The following TMPRSS11A variants were observed in gnomAD, a reference collection of about 807,000 sequenced individuals.
TMPRSS11A encodes transmembrane protease serine 11A.
In TMPRSS11A, 53 loss-of-function variants were observed where a neutral mutation model predicts 58.9. That is an observed-to-expected ratio of 0.90 (90% CI 0.72 to 1.13). The LOEUF (loss-of-function observed/expected upper bound fraction) is 1.13, where lower values mean the gene tolerates loss of function less well. TMPRSS11A is among the 50% of genes most tolerant of loss of function. The pLI is 0.00. For missense variants in TMPRSS11A, 493 were observed against 499.3 expected, an observed-to-expected ratio of 0.99 and a Z score of 0.12; for synonymous variants, 167 against 169.8, an observed-to-expected ratio of 0.98 and a Z score of 0.13.
At chr4:67,944,659 G>T in intron 2 of TMPRSS11A, 22 bp from the exon 3 acceptor site, 1 of 1,600,808 alleles carries the variant, frequency 6.2e-7, no homozygotes, top group South Asian at 1.1e-5. Context: ...ATGAAAAATA[G>T]GAAACTAAAT....
intron 1 of TMPRSS11A, among the ~76,000 whole-genome samples, chr4:67,961,805 G>A (rs1001985767): frequency 6.6e-6 from 1 of 152,068 alleles, no homozygotes; most frequent in South Asian, 2.1e-4. Context: ...GAGCCACCAC[G>A]CCCAGCCTGT....
intron 7 of TMPRSS11A, among the ~76,000 whole-genome samples, chr4:67,921,826 T>G (rs987454746): frequency 1.3e-5 from 2 of 152,216 alleles, no homozygotes; most frequent in African/African-American, 4.8e-5. Context: ...TAAATCCTGC[T>G]GCCACCTATT....
chr4:67,941,501 T>C (rs1720878396), intron 3 of TMPRSS11A, among the ~76,000 whole-genome samples: 2 of 152,352 alleles, frequency 1.3e-5, no homozygotes, highest in South Asian at 4.1e-4. Context: ...TGTCATGATA[T>C]TCAATTCCAT....
rs941566028 is a variant in TMPRSS11A, at chr4:67,910,546, T to G, written c.*796A>C. On this transcript the variant is annotated 3_prime_UTR_variant, in exon 10 of 10. Transcript: ENST00000508048. ...CATCTGTGAAATGTCAAATTTCTTA[T>G]GCCGGTGTTTTGGGACTAATGAAAT... The G allele has an allele frequency of 5.3e-5, 8 of 152,144 alleles. No homozygotes were observed. Among genetic ancestry groups the G allele is most frequent in the African/African-American group, 1.9e-4 (8 of 41,458 alleles). The allele number at this position is 152,144 out of a possible 1,614,324, so 9.4% of individuals were successfully genotyped here. A position where few individuals can be genotyped will look rare whatever the true frequency, so the allele number is the denominator to read the frequency against.
intron 1 of TMPRSS11A, among the ~76,000 whole-genome samples, chr4:67,949,049 G>A (rs1454738133): frequency 6.6e-6 from 1 of 151,560 alleles, no homozygotes; most frequent in Non-Finnish European, 1.5e-5. Context: ...TTTTCTCATA[G>A]AATCTTATCA....
intron 5 of TMPRSS11A, among the ~76,000 whole-genome samples, chr4:67,928,822 T>A (rs1328177780): frequency 6.6e-6 from 1 of 152,212 alleles, no homozygotes; most frequent in Non-Finnish European, 1.5e-5. Flanking sequence ...CTGTTTCATG[T>A]CTGATAAAAA....
intron 1 of TMPRSS11A, among the ~76,000 whole-genome samples, chr4:67,959,345 AT>A (rs1721368837): frequency 6.6e-6 from 1 of 152,210 alleles, no homozygotes; most frequent in Non-Finnish European, 1.5e-5. Flanking sequence ...CAAAACAAAA[AT>A]TGACAAGTGA....
At chr4:67,931,633 G>T (rs976618597) in intron 4 of TMPRSS11A, among the ~76,000 whole-genome samples, 1 of 152,116 alleles carries the variant, frequency 6.6e-6, no homozygotes, top group Non-Finnish European at 1.5e-5. Context: ...TAATATAATT[G>T]TCAACATAAT....
At chr4:67,925,305 C>T (rs1343578106) in intron 5 of TMPRSS11A, among the ~76,000 whole-genome samples, 2 of 152,108 alleles carry the variant, frequency 1.3e-5, no homozygotes, top group Non-Finnish European at 2.9e-5. Context: ...CTTACTAAAG[C>T]TGGGGAAAAA....
chr4:67,926,092 G>A (rs911830976), intron 5 of TMPRSS11A, among the ~76,000 whole-genome samples: 3 of 152,206 alleles, frequency 2.0e-5, no homozygotes, highest in Non-Finnish European at 4.4e-5. Flanking sequence ...CAAGTATCAT[G>A]ATGAAAAATG....
chr4:67,948,351 G>A (rs1179083847), intron 1 of TMPRSS11A, among the ~76,000 whole-genome samples: 2 of 151,774 alleles, frequency 1.3e-5, no homozygotes, highest in African/African-American at 2.4e-5. Flanking sequence ...GTAGAAACAG[G>A]GTTTCATGGT....
intron 9 of TMPRSS11A, among the ~76,000 whole-genome samples, chr4:67,912,990 T>C (rs1720026681): frequency 6.6e-6 from 1 of 152,216 alleles, no homozygotes; most frequent in Admixed American, 6.5e-5. Flanking sequence ...TTCTCCTCTG[T>C]GTCTTTTTTG....
At chr4:67,955,183 A>G (rs539036472) in intron 1 of TMPRSS11A, among the ~76,000 whole-genome samples, 3 of 152,352 alleles carry the variant, frequency 2.0e-5, no homozygotes, top group Non-Finnish European at 4.4e-5. Context: ...AACACAAAGT[A>G]TACTCCAGTG....
chr4:67,941,142 T>A (rs1031526424), intron 3 of TMPRSS11A, among the ~76,000 whole-genome samples: 1 of 152,178 alleles, frequency 6.6e-6, no homozygotes, highest in Non-Finnish European at 1.5e-5. Flanking sequence ...TACTTTTGCA[T>A]CTCAATTTGC....
Position 67,911,435 on chromosome 4 carries a change from G to A in TMPRSS11A, c.1164C>T (p.Ser388=). The change falls in exon 10 of 10, where the codon AGC becomes AGT. Residue 388 remains serine (S), a synonymous_variant. Transcript: ENST00000508048. The part of the protein sequence containing the change: ...KDTWYLIGIV[S]WGDNCGQKDK... ...CCTTTTGACCACAGTTATCTCCCCA[G>A]CTTACAATTCCAATGAGATACCACG... 1 of 1,613,502 alleles carries A rather than the reference G, an allele frequency of 6.2e-7. No homozygotes were observed. The highest frequency in any genetic ancestry group is 8.5e-7 in the Non-Finnish European group (1 of 1,179,602).
At chr4:67,946,956 T>C (rs1721030779) in intron 1 of TMPRSS11A, among the ~76,000 whole-genome samples, 1 of 152,140 alleles carries the variant, frequency 6.6e-6, no homozygotes, top group Non-Finnish European at 1.5e-5. Context: ...TATTATCTCA[T>C]TTATTTTTAT....
Position 67,929,986 on chromosome 4 carries a change from A to G in TMPRSS11A, c.375T>C (p.Ser125=). 2 of 1,613,786 alleles carry G rather than the reference A, an allele frequency of 1.2e-6. No individual in the cohort carries two copies. Among genetic ancestry groups the G allele is most frequent in the Non-Finnish European group, 1.7e-6 (2 of 1,179,750 alleles). Residue 125 remains serine, a synonymous_variant, in exon 5 of 10, where the codon TCT becomes TCC. Coordinates refer to ENST00000508048, the MANE Select transcript of TMPRSS11A (RefSeq NM_001114387.2). ...TCTCTCTTACTGCCCTTTGTTCAGT[A>G]GAGGGGAACTGGAACACCATAATGA... is the stretch of plus-strand genomic sequence containing the variant. ...VDVIMVFQFP[S]TEQRAVREKK...
At chr4:67,932,294 A>C (rs1720648394) in intron 3 of TMPRSS11A, among the ~76,000 whole-genome samples, 1 of 152,194 alleles carries the variant, frequency 6.6e-6, no homozygotes, top group Non-Finnish European at 1.5e-5. Flanking sequence ...GAGGGGACCT[A>C]GGCACTCATA....
chr4:67,941,415 T>C (rs762730896), intron 3 of TMPRSS11A, among the ~76,000 whole-genome samples: 4 of 152,208 alleles, frequency 2.6e-5, no homozygotes, highest in Non-Finnish European at 4.4e-5. Context: ...TTTCTGACCA[T>C]GGGAACCCTT....
Sources: allele counts gnomAD v4.1 joint callset (sites outside exome capture counted in the v4.1 genomes callset), GRCh38; gene constraint gnomAD v4.1.1; transcripts MANE v1.5; gene names NCBI Gene and HGNC (gene_info 2026-07-23, HGNC 2026-07-21).